Variants in LOC122539214 observed in about 807,000 individuals in gnomAD.
chr19:52,659,539 AG>A, the LOC122539214 span, among the ~76,000 whole-genome samples: 8 of 150,320 alleles, frequency 5.3e-5, no homozygotes, highest in Non-Finnish European at 1.2e-4. Flanking sequence ...GGTTTAGGTC[AG>A]GGTTGACATG....
chr19:52,674,015 C>CAAA, the LOC122539214 span, among the ~76,000 whole-genome samples: 925 of 72,982 alleles, frequency 0.013, 18 homozygotes, highest in African/African-American at 0.044. Flanking sequence ...GACTCCATCT[C>CAAA]AAAAAAAAAA....
At chr19:52,683,538 T>A in the LOC122539214 span, among the ~76,000 whole-genome samples, 1 of 88,040 alleles carries the variant, frequency 1.1e-5, no homozygotes, top group South Asian at 3.4e-4. Flanking sequence ...AAGGGCAAAG[T>A]CCCTGCCCAT....
the LOC122539214 span, among the ~76,000 whole-genome samples, chr19:52,657,531 A>C: frequency 1.3e-5 from 2 of 152,234 alleles, no homozygotes; most frequent in African/African-American, 2.4e-5. Context: ...GTCTCAAAAA[A>C]TAATAAAATA....
At chr19:52,675,324 T>C in the LOC122539214 span, among the ~76,000 whole-genome samples, 1 of 152,194 alleles carries the variant, frequency 6.6e-6, no homozygotes, top group African/African-American at 2.4e-5. Context: ...TCCCACGACA[T>C]GTACTTAAGC....
At chr19:52,685,953 C>T in the LOC122539214 span, among the ~76,000 whole-genome samples, 3 of 151,478 alleles carry the variant, frequency 2.0e-5, no homozygotes, top group Non-Finnish European at 4.4e-5. Context: ...GAACAGCATT[C>T]CATGCCAATC....
At chr19:52,667,047 T>C in the LOC122539214 span, among the ~76,000 whole-genome samples, 10 of 152,084 alleles carry the variant, frequency 6.6e-5, 1 homozygote, top group East Asian at 3.9e-4. Flanking sequence ...CTGAACAAGG[T>C]CTTATTAATA....
At chr19:52,688,868 G>A in the LOC122539214 span, among the ~76,000 whole-genome samples, 52 of 150,640 alleles carry the variant, frequency 3.5e-4, no homozygotes, top group African/African-American at 1.2e-3. Flanking sequence ...CATCAAGAAC[G>A]GTTACAGGAT....
At chr19:52,667,402 A>C in the LOC122539214 span, among the ~76,000 whole-genome samples, 1 of 152,144 alleles carries the variant, frequency 6.6e-6, no homozygotes, top group African/African-American at 2.4e-5. Flanking sequence ...GAAAAGTTAT[A>C]AGAGGGAATT....
chr19:52,689,527 G>T, the LOC122539214 span, among the ~76,000 whole-genome samples: 27 of 151,698 alleles, frequency 1.8e-4, no homozygotes, highest in African/African-American at 5.8e-4. Flanking sequence ...TCACCCTGAT[G>T]AGCCTCCCTC....
the LOC122539214 span, among the ~76,000 whole-genome samples, chr19:52,671,223 C>T: frequency 6.6e-6 from 1 of 152,136 alleles, no homozygotes; most frequent in Non-Finnish European, 1.5e-5. Context: ...CCCCTAGACT[C>T]TTTACATAGG....
chr19:52,687,898 C>A, the LOC122539214 span, among the ~76,000 whole-genome samples: 1 of 151,472 alleles, frequency 6.6e-6, no homozygotes, highest in Non-Finnish European at 1.5e-5. Flanking sequence ...CACTGCCCCA[C>A]GTCCTACCCC....
chr19:52,673,990 T>G, the LOC122539214 span, among the ~76,000 whole-genome samples: 3 of 127,162 alleles, frequency 2.4e-5, no homozygotes, highest in African/African-American at 9.1e-5. Flanking sequence ...CCCTGCAGCC[T>G]GGGTAACAGA....
the LOC122539214 span, among the ~76,000 whole-genome samples, chr19:52,688,365 G>C: frequency 2.0e-5 from 3 of 151,088 alleles, no homozygotes; most frequent in Admixed American, 2.0e-4. Context: ...CAGAGATAAG[G>C]ATCTCACTAT....
At chr19:52,651,035 G>C in the LOC122539214 span, 4 of 152,220 alleles carry the variant, frequency 2.6e-5, no homozygotes, top group African/African-American at 9.6e-5. Context: ...AGCCTTATCT[G>C]AGATGGGCTA....
At chr19:52,658,531 C>T in the LOC122539214 span, among the ~76,000 whole-genome samples, 1 of 152,192 alleles carries the variant, frequency 6.6e-6, no homozygotes, top group South Asian at 2.1e-4. Flanking sequence ...CACCACTGCA[C>T]TCCAGCCTGG....
At chr19:52,653,141 A>G in the LOC122539214 span, 1 of 1,472,674 alleles carries the variant, frequency 6.8e-7, no homozygotes. Context: ...CACTCATGAC[A>G]GTTGTAAGGT....
chr19:52,650,770 T>C, the LOC122539214 span: 1 of 152,180 alleles, frequency 6.6e-6, no homozygotes, highest in Non-Finnish European at 1.5e-5. Context: ...GACAAACTTG[T>C]TAGGAAGTGG....
At chr19:52,688,950 GAAAAAAAA>G in the LOC122539214 span, among the ~76,000 whole-genome samples, 83 of 126,794 alleles carry the variant, frequency 6.5e-4, no homozygotes, top group Middle Eastern at 3.9e-3. Flanking sequence ...AAGGTTGAAG[GAAAAAAAA>G]AAAAAAAAAA....
At chr19:52,671,487 C>T in the LOC122539214 span, among the ~76,000 whole-genome samples, 1 of 151,904 alleles carries the variant, frequency 6.6e-6, no homozygotes, top group South Asian at 2.1e-4. Flanking sequence ...TCTGTCACCC[C>T]GGCTGGAATG....
Sources: allele counts gnomAD v4.1 joint callset (sites outside exome capture counted in the v4.1 genomes callset), GRCh38; gene constraint gnomAD v4.1.1; transcripts MANE v1.5.